The following NMRAL1 variants were observed in gnomAD, a reference collection of about 807,000 sequenced individuals.
NMRAL1 encodes the protein NmrA like redox sensor 1, also known as nmrA-like family domain-containing protein 1.
NMRAL1 carries 32 observed loss-of-function variants against 27.5 expected under a neutral mutation model. The observed-to-expected ratio is 1.16, with a 90% confidence interval of 0.88 to 1.56. NMRAL1 has a LOEUF of 1.56. NMRAL1 is among the 40% of genes most tolerant of loss of function. The probability of loss-of-function intolerance (pLI) is 0.00; values close to 1 mark genes in which losing one functional copy is unlikely to be tolerated. For missense variants in NMRAL1, 420 were observed against 392.0 expected (o/e 1.07, Z -0.60); for synonymous variants, 166 against 166.8 (o/e 1.00, Z 0.04).
At chr16:4,475,257 C>G (rs1247421581), upstream of NMRAL1, among the ~76,000 whole-genome samples, 2 of 151,428 alleles carry the variant, frequency 1.3e-5, no homozygotes, top group African/African-American at 4.8e-5. Flanking sequence ...CCAGCCCTAA[C>G]TCACTTCTGA....
At chr16:4,465,511 C>G (rs1020564960) in intron 4 of NMRAL1, among the ~76,000 whole-genome samples, 2 of 152,220 alleles carry the variant, frequency 1.3e-5, no homozygotes, top group Admixed American at 6.5e-5. Flanking sequence ...AAATCTGCAA[C>G]TGAACTTCAT....
chr16:4,464,825 C>T (rs921795548), intron 4 of NMRAL1, among the ~76,000 whole-genome samples: 4 of 151,830 alleles, frequency 2.6e-5, no homozygotes, highest in Non-Finnish European at 5.9e-5. Context: ...CCAAGTTAGC[C>T]ATGATGGTCT....
intron 2 of NMRAL1, among the ~76,000 whole-genome samples, chr16:4,470,158 T>A (rs1299579429): frequency 1.5e-5 from 1 of 66,476 alleles, no homozygotes; most frequent in South Asian, 5.4e-4. Flanking sequence ...TGAGATTCCC[T>A]CTCAAAAAAA....
intron 2 of NMRAL1, 44 bp downstream of exon 2, chr16:4,474,049 G>C: frequency 1.3e-6 from 2 of 1,532,822 alleles, no homozygotes; most frequent in Non-Finnish European, 1.8e-6. Context: ...TTCAGGGCTA[G>C]GCGCCCTGGC....
In NMRAL1 at chr16:4,461,938, T is replaced by C; in HGVS notation, c.742A>G (p.Lys248Glu). The C allele has an allele frequency of 6.2e-7, 1 of 1,613,616 alleles. No homozygotes were observed. Among genetic ancestry groups the C allele is most frequent in the Non-Finnish European group, 8.5e-7 (1 of 1,179,740 alleles). Residue 248 changes from lysine to glutamate, a missense_variant, in exon 6 of 6, where the codon AAG becomes GAG. By Grantham distance (56) the Lys-to-Glu change is moderately conservative. Transcript: ENST00000283429. Reference sequence around the variant, plus strand: ...TCCCGGGCACCGGGAAAGCCAAGCTTTTCGTAGTCCTCAGGAGTCATCTGG... The same window carrying C: ...TCCCGGGCACCGGGAAAGCCAAGCTCTTCGTAGTCCTCAGGAGTCATCTGG... ...DAKMTPEDYE[K>E]LGFPGARDLA... is the part of the protein sequence containing the mutation.
At chr16:4,469,584 C>G (rs776985835) in intron 2 of NMRAL1, 119 bp from the exon 3 acceptor site, 1 of 1,529,280 alleles carries the variant, frequency 6.5e-7, no homozygotes, top group African/African-American at 1.4e-5. Context: ...TTCTCAACGA[C>G]GATTCTCATT....
At chr16:4,472,366 C>T (rs7194761) in intron 2 of NMRAL1, among the ~76,000 whole-genome samples, 82,253 of 151,488 alleles carry the variant, frequency 0.54, 25,586 homozygotes, top group Non-Finnish European at 0.7. Flanking sequence ...TGCTTGAACC[C>T]GGGAGGCAGA....
Position 4,463,547 on chromosome 16 carries a change from G to A in NMRAL1, c.720+113C>T, listed in dbSNP as rs781362198. 8 of 808,472 alleles carry A rather than the reference G, an allele frequency of 9.9e-6. No individual in the cohort carries two copies. In the African/African-American group the frequency reaches 1.3e-4, roughly 13 times the overall value. The allele number at this position is 808,472 out of a possible 1,614,324, so 50.1% of individuals were successfully genotyped here. On this transcript the variant is annotated intron_variant, in intron 5 of 5. Transcript: ENST00000283429. Reference sequence around the variant, plus strand: ...CAGAAAATAAACGTTGACGATGAACGAATGAATTTAGATGTACTGCCCAGA... The same window carrying A: ...CAGAAAATAAACGTTGACGATGAACAAATGAATTTAGATGTACTGCCCAGA...
intron 4 of NMRAL1, among the ~76,000 whole-genome samples, chr16:4,464,678 A>C (rs2057249159): frequency 7.0e-6 from 1 of 143,464 alleles, no homozygotes; most frequent in East Asian, 2.0e-4. Flanking sequence ...GCAGTGGCGC[A>C]ATCTTGGCTC....
intron 1 of NMRAL1, 30 bp from the exon 2 acceptor site, chr16:4,474,196 GGT>G: frequency 6.5e-7 from 1 of 1,549,836 alleles, no homozygotes; most frequent in South Asian, 1.1e-5. Context: ...TGGAGTTGGG[GGT>G]GGGGCCGGGG....
rs1221284811 is a variant in NMRAL1, at chr16:4,469,241, G to C, written c.265C>G (p.Gln89Glu). Residue 89 changes from glutamine (Q) to glutamate (E), a missense_variant, in exon 3 of 6, where the codon CAG (glutamine) becomes GAG (glutamate). By Grantham distance (29) the Gln-to-Glu change is conservative (BLOSUM62 2). Coordinates refer to ENST00000283429, the MANE Select transcript of NMRAL1 (RefSeq NM_020677.6). Reference sequence around the variant, plus strand: ...CCTGCCCTCACCTGCTTGACCTCCTGCTCCTGGCTGCAGCTCTCCCAGTAA... The same window carrying C: ...CCTGCCCTCACCTGCTTGACCTCCTCCTCCTGGCTGCAGCTCTCCCAGTAA... ...TNYWESCSQE[Q>E]EVKQGKLLAD... 6 of 1,613,360 alleles carry C rather than the reference G, an allele frequency of 3.7e-6. No homozygotes were observed. Among genetic ancestry groups the C allele is most frequent in the East Asian group, 2.2e-5 (1 of 44,886 alleles).
At position 4,469,338 on chromosome 16, in the gene NMRAL1, C is replaced by CAA; in HGVS notation, c.167_168insTT (p.Gln56HisfsTer15). ...TGATGACCTGGTCATCTTGGTCTCC[C>CAA]TGCACTACTTCTGCACCTTGCAGCC... On this transcript the variant is annotated frameshift_variant, in exon 3 of 6. Coordinates refer to ENST00000283429, the MANE Select transcript of NMRAL1 (RefSeq NM_020677.6). LOFTEE classifies it high-confidence loss of function. 6.2e-7 allele frequency: 1 copy of CAA among 1,614,146 alleles called. No individual in the cohort carries two copies. The highest frequency in any genetic ancestry group is 1.1e-5 in the South Asian group (1 of 91,082).
chr16:4,467,586 T>C (rs1221935285), intron 3 of NMRAL1, among the ~76,000 whole-genome samples: 1 of 151,950 alleles, frequency 6.6e-6, no homozygotes, highest in Non-Finnish European at 1.5e-5. Context: ...TTTGAACTTC[T>C]AGCTTCTAGA....
In NMRAL1 at chr16:4,474,055, C is replaced by A. The variant is rs768589853; in HGVS notation, c.40+38G>T. Reference sequence around the variant, plus strand: ...CGGGCGGTCTTCAGGGCTAGGCGCCCTGGCTCTGCAAGGGCCCCAGTCTGG... The same window carrying A: ...CGGGCGGTCTTCAGGGCTAGGCGCCATGGCTCTGCAAGGGCCCCAGTCTGG... On this transcript the variant is annotated intron_variant, in intron 2 of 5. Transcript: ENST00000283429. The A allele has an allele frequency of 1.3e-5, 21 of 1,575,178 alleles. No individual in the cohort carries two copies. In the South Asian group the frequency reaches 2.4e-4, roughly 18 times the overall value.
upstream of NMRAL1, chr16:4,474,795 G>A (rs1464962428): frequency 6.6e-6 from 1 of 152,348 alleles, no homozygotes; most frequent in Non-Finnish European, 1.5e-5. Context: ...GGTGATGACT[G>A]GGAGGAGGAG....
Position 4,474,560 on chromosome 16 carries a change from G to C in NMRAL1, c.-41C>G, listed in dbSNP as rs904331929. 2.5e-5 allele frequency: 4 copies of C among 159,410 alleles called. No homozygotes were observed. The highest frequency in any genetic ancestry group is 9.6e-5 in the African/African-American group (4 of 41,674). 9.9% of individuals were successfully genotyped at this position (159,410 alleles called of 1,614,324 possible). A position where few individuals can be genotyped will look rare whatever the true frequency, so the allele number is the denominator to read the frequency against. Reference sequence around the variant, plus strand: ...CCCGCAGCTCCGGCCCCACCTGGCAGAGCGCCGCTCACGGAAGCCCAGCGT... The same window carrying C: ...CCCGCAGCTCCGGCCCCACCTGGCACAGCGCCGCTCACGGAAGCCCAGCGT... On this transcript the variant is annotated 5_prime_UTR_variant, in exon 1 of 6. Coordinates refer to ENST00000283429, the MANE Select transcript of NMRAL1 (RefSeq NM_020677.6).
chr16:4,462,106 G>C, intron 5 of NMRAL1, 147 bp from the exon 6 acceptor site: 1 of 658,602 alleles, frequency 1.5e-6, no homozygotes, highest in Non-Finnish European at 2.6e-6. Flanking sequence ...CTCCGTACAA[G>C]GTCATTTGAA....
At position 4,463,828 on chromosome 16, in the gene NMRAL1, G is replaced by C. The variant is rs2057209375; in HGVS notation, c.552C>G (p.Pro184=). 1.2e-6 allele frequency: 2 copies of C among 1,613,552 alleles called. No individual in the cohort carries two copies. The highest frequency in any genetic ancestry group is 1.7e-6 in the Non-Finnish European group (2 of 1,179,800). The change falls in exon 5 of 6, where the codon CCC becomes CCG. Residue 184 remains proline (P), a synonymous_variant. Coordinates refer to ENST00000283429, the MANE Select transcript of NMRAL1 (RefSeq NM_020677.6). ...YLLSLPTGDV[P]MDGMSVSDLG... is the part of the protein sequence containing the mutation. The stretch of plus-strand genomic sequence containing the variant: ...GGTCAGACACGGACATGCCATCCAT[G>C]GGAACGTCACCTGTGGGCAAGCCTG...
intron 4 of NMRAL1, chr16:4,464,139 C>T (rs2057223666): frequency 4.1e-6 from 2 of 493,354 alleles, no homozygotes; most frequent in African/African-American, 4.0e-5. Flanking sequence ...TGGGCCTGCC[C>T]AGCTCTCTCA....
Sources: allele counts gnomAD v4.1 joint callset (sites outside exome capture counted in the v4.1 genomes callset), GRCh38; gene constraint gnomAD v4.1.1; transcripts MANE v1.5; gene names NCBI Gene and HGNC (gene_info 2026-07-23, HGNC 2026-07-21).